CHD7: variants seen among roughly 807,000 people sequenced by gnomAD.
CHD7 encodes chromodomain helicase DNA binding protein 7.
In CHD7, 24 loss-of-function variants were observed where a neutral mutation model predicts 307.3. The ratio of observed to expected loss-of-function variants is 0.08; its 90% CI spans 0.06 to 0.11. The LOEUF is 0.11. Among genes scored for constraint, CHD7 ranks in the 10% least tolerant of loss-of-function variants. The probability of loss-of-function intolerance (pLI) is 1.00; values close to 1 mark genes in which losing one functional copy is unlikely to be tolerated. For missense variants in CHD7, 3,106 were observed against 3,727.1 expected, an observed-to-expected ratio of 0.83 and a Z score of 4.34; for synonymous variants, 1,363 against 1,349.9, an observed-to-expected ratio of 1.01 and a Z score of -0.21.
chr8:60,709,784 C>A (rs967546686), intron 1 of CHD7, among the ~76,000 whole-genome samples: 2 of 152,092 alleles, frequency 1.3e-5, no homozygotes, highest in Admixed American at 1.3e-4. Context: ...TCATGTTGTA[C>A]TTTAAATACA....
At chr8:60,759,552 T>C (rs1810072711) in intron 2 of CHD7, among the ~76,000 whole-genome samples, 1 of 149,606 alleles carries the variant, frequency 6.7e-6, no homozygotes, top group Non-Finnish European at 1.5e-5. Context: ...TCTCACCTTC[T>C]GGTGAGAGAG....
chr8:60,740,610 T>G (rs1808948154), intron 1 of CHD7, among the ~76,000 whole-genome samples: 1 of 152,238 alleles, frequency 6.6e-6, no homozygotes, highest in Non-Finnish European at 1.5e-5. Context: ...AATTATGAAT[T>G]TATTGTACTG....
chr8:60,725,230 G>A (rs1808107118), intron 1 of CHD7, among the ~76,000 whole-genome samples: 1 of 152,178 alleles, frequency 6.6e-6, no homozygotes, highest in African/African-American at 2.4e-5. Flanking sequence ...AGGTTGTTAG[G>A]GATGGAGATG....
chr8:60,680,382 G>C (rs1425491037), intron 1 of CHD7, among the ~76,000 whole-genome samples: 1 of 135,118 alleles, frequency 7.4e-6, no homozygotes, highest in African/African-American at 2.8e-5. Context: ...GCGGCGGCGC[G>C]GGGCTGTCGA....
At chr8:60,857,438 G>A (rs1805766391) in intron 34 of CHD7, among the ~76,000 whole-genome samples, 1 of 152,200 alleles carries the variant, frequency 6.6e-6, no homozygotes, top group African/African-American at 2.4e-5. Context: ...AATTAATGCA[G>A]TATAATCAAA....
chr8:60,803,503 C>A (rs1812405155), intron 6 of CHD7, among the ~76,000 whole-genome samples: 1 of 152,066 alleles, frequency 6.6e-6, no homozygotes, highest in South Asian at 2.1e-4. Context: ...TTTGTCTTAT[C>A]ATAGGAGATT....
chr8:60,728,533 C>G (rs915575087), intron 1 of CHD7, among the ~76,000 whole-genome samples: 2 of 152,120 alleles, frequency 1.3e-5, no homozygotes, highest in African/African-American at 4.8e-5. Context: ...CAAGGTCTTT[C>G]TTTCTTTTTT....
intron 1 of CHD7, among the ~76,000 whole-genome samples, chr8:60,727,423 C>G (rs1471759348): frequency 6.6e-6 from 1 of 152,228 alleles, no homozygotes; most frequent in Non-Finnish European, 1.5e-5. Flanking sequence ...GCCACTGCAC[C>G]TGGCCCATAG....
intron 2 of CHD7, among the ~76,000 whole-genome samples, chr8:60,759,448 C>A (rs577909768): frequency 4.3e-4 from 62 of 143,158 alleles, no homozygotes; most frequent in Non-Finnish European, 8.8e-4. Context: ...TCTCTGTCTC[C>A]CTCTCTCTCT....
chr8:60,856,790 G>T lies in CHD7; in HGVS notation c.7510G>T (p.Asp2504Tyr). Residue 2504 changes from aspartate (D) to tyrosine (Y), a missense_variant, in exon 34 of 38, where the codon GAT (aspartate) becomes TAT (tyrosine). By Grantham distance (160) the Asp-to-Tyr change is radical. Transcript: ENST00000423902. ...TRHLLNGSLV[D>Y]GEPPMKRRRG... The stretch of plus-strand genomic sequence containing the variant: ...GCATCTCCTTAATGGCTCCCTAGTG[G>T]ATGGAGAGCCTCCCATGAAGAGGAG... 1.2e-6 allele frequency: 2 copies of T among 1,610,602 alleles called. No homozygotes were observed. The highest frequency in any genetic ancestry group is 1.7e-6 in the Non-Finnish European group (2 of 1,177,786).
At chr8:60,806,611 T>G (rs531238026) in intron 6 of CHD7, among the ~76,000 whole-genome samples, 1 of 152,350 alleles carries the variant, frequency 6.6e-6, no homozygotes, top group South Asian at 2.1e-4. Flanking sequence ...TTACGTTTCA[T>G]AGATCCATTA....
Position 60,852,709 on chromosome 8 carries a change from A to G in CHD7, c.6103+3A>G, listed in dbSNP as rs533191753. ...AATGCCCGTCAAGCCAGATGATGGT[A>G]GGTACATTTAGCAACAAAGTTCTAT... On this transcript the variant is annotated splice_donor_region_variant and intron_variant, in intron 30 of 37. Coordinates refer to ENST00000423902, the MANE Select transcript of CHD7 (RefSeq NM_017780.4). 1.6e-5 allele frequency: 26 copies of G among 1,613,836 alleles called. 1 individual carries two copies. The South Asian group carries it at 2.9e-4, about 18-fold the overall frequency.
chr8:60,776,518 C>T (rs374620662), intron 2 of CHD7, among the ~76,000 whole-genome samples: 3 of 152,186 alleles, frequency 2.0e-5, no homozygotes, highest in African/African-American at 7.2e-5. Flanking sequence ...CTGCCTCCCC[C>T]TCTCTCTCAG....
chr8:60,684,554 C>CCTATA (rs1349271230), intron 1 of CHD7, among the ~76,000 whole-genome samples: 6 of 152,044 alleles, frequency 3.9e-5, no homozygotes. Context: ...TGGGGTATTA[C>CCTATA]CCCTTAGGAA....
At chr8:60,693,349 C>T (rs1343696913) in intron 1 of CHD7, among the ~76,000 whole-genome samples, 2 of 152,234 alleles carry the variant, frequency 1.3e-5, no homozygotes, top group Non-Finnish European at 2.9e-5. Flanking sequence ...CTGTCTGCTG[C>T]ACCCTTTAGA....
intron 1 of CHD7, among the ~76,000 whole-genome samples, chr8:60,684,976 C>T (rs1486965945): frequency 6.6e-6 from 1 of 152,046 alleles, no homozygotes; most frequent in African/African-American, 2.4e-5. Context: ...ACAGTTTCAA[C>T]GAATAGGACT....
chr8:60,852,729 T>C (rs1267315902), intron 30 of CHD7, 23 bp downstream of exon 30: 1 of 1,612,742 alleles, frequency 6.2e-7, no homozygotes. Flanking sequence ...AGCAACAAAG[T>C]TCTATACAAA....
intron 13 of CHD7, among the ~76,000 whole-genome samples, chr8:60,827,619 A>T (rs904296945): frequency 1.3e-4 from 20 of 152,176 alleles, no homozygotes; most frequent in Non-Finnish European, 2.9e-4. Context: ...TCGTCCATGA[A>T]ACTTCCTCAG....
chr8:60,762,822 C>G (rs2150624894), intron 2 of CHD7, among the ~76,000 whole-genome samples: 1 of 152,206 alleles, frequency 6.6e-6, no homozygotes, highest in South Asian at 2.1e-4. Flanking sequence ...GTGTGATATG[C>G]TAGGACAGAG....
Sources: allele counts gnomAD v4.1 joint callset (sites outside exome capture counted in the v4.1 genomes callset), GRCh38; gene constraint gnomAD v4.1.1; transcripts MANE v1.5; gene names NCBI Gene and HGNC (gene_info 2026-07-23, HGNC 2026-07-21).